The following PPP2R3C variants were observed in gnomAD, a reference collection of about 807,000 sequenced individuals.
PPP2R3C encodes the protein protein phosphatase 2 regulatory subunit B''gamma.
In PPP2R3C, 47 loss-of-function variants were observed where a neutral mutation model predicts 63.7. That is an observed-to-expected ratio of 0.74 (90% CI 0.58 to 0.94). The LOEUF (loss-of-function observed/expected upper bound fraction) is 0.94. Among genes scored for constraint, PPP2R3C ranks in the 40% least tolerant of loss-of-function variants. PPP2R3C has a pLI of 0.00. For missense variants in PPP2R3C, 421 were observed against 518.4 expected (o/e 0.81, Z 1.82); for synonymous variants, 180 against 177.4 (o/e 1.01, Z -0.12).
At chr14:35,105,428 A>C (rs1414238972) in intron 6 of PPP2R3C, among the ~76,000 whole-genome samples, 1 of 151,610 alleles carries the variant, frequency 6.6e-6, no homozygotes, top group African/African-American at 2.4e-5. Flanking sequence ...AGATCTGCCC[A>C]CCTCGGCCTC....
At chr14:35,121,747 G>T in intron 1 of PPP2R3C, 155 bp downstream of exon 1, 1 of 806,064 alleles carries the variant, frequency 1.2e-6, no homozygotes, top group South Asian at 1.8e-5. Flanking sequence ...AAACCTATCG[G>T]GATCCTTAAA....
chr14:35,118,670 T>TG (rs2046773727), intron 1 of PPP2R3C, among the ~76,000 whole-genome samples: 1 of 55,464 alleles, frequency 1.8e-5, no homozygotes, highest in South Asian at 7.1e-4. Context: ...TTTTTTTTTT[T>TG]TCCGAGACTG....
chr14:35,109,972 A>T, intron 3 of PPP2R3C, 41 bp from the exon 4 acceptor site: 1 of 1,426,986 alleles, frequency 7.0e-7, no homozygotes, highest in Non-Finnish European at 9.7e-7. Context: ...TAAGTTAAAA[A>T]CAACAAGATT....
At chr14:35,111,570 G>T (rs1045209598) in intron 2 of PPP2R3C, among the ~76,000 whole-genome samples, 1 of 152,212 alleles carries the variant, frequency 6.6e-6, no homozygotes, top group Non-Finnish European at 1.5e-5. Flanking sequence ...TAAGATGCAG[G>T]TCAGTTAAAT....
intron 11 of PPP2R3C, 64 bp from the exon 12 acceptor site, chr14:35,088,074 T>C: frequency 8.7e-7 from 1 of 1,149,440 alleles, no homozygotes; most frequent in Non-Finnish European, 1.3e-6. Flanking sequence ...TCTTTTGCCC[T>C]ACAACCCCTT....
At chr14:35,097,585 C>T (rs1041668645) in intron 7 of PPP2R3C, among the ~76,000 whole-genome samples, 7 of 150,604 alleles carry the variant, frequency 4.6e-5, no homozygotes, top group Admixed American at 6.7e-5. Context: ...TGGGTTCAAG[C>T]GATTCTCCTG....
At chr14:35,095,742 T>A (rs2045975674) in intron 9 of PPP2R3C, among the ~76,000 whole-genome samples, 1 of 147,048 alleles carries the variant, frequency 6.8e-6, no homozygotes, top group African/African-American at 2.5e-5. Context: ...CCCAGGTACT[T>A]GGGAGGCTGA....
At chr14:35,106,062 G>A (rs926632540) in intron 6 of PPP2R3C, among the ~76,000 whole-genome samples, 2 of 151,080 alleles carry the variant, frequency 1.3e-5, no homozygotes, top group Admixed American at 6.6e-5. Context: ...AGCCAGAATG[G>A]TCTCGATCTC....
intron 5 of PPP2R3C, 198 bp from the exon 6 acceptor site, chr14:35,107,572 T>C (rs1056667730): frequency 8.8e-5 from 49 of 556,386 alleles, no homozygotes; most frequent in African/African-American, 4.9e-4. Context: ...TATAATAAAA[T>C]TGACACCTTG....
At chr14:35,093,027 G>A (rs557678577) in intron 10 of PPP2R3C, among the ~76,000 whole-genome samples, 1 of 151,886 alleles carries the variant, frequency 6.6e-6, no homozygotes, top group East Asian at 1.9e-4. Flanking sequence ...TGGCTAACAC[G>A]GTGAAACTCC....
At position 35,099,267 on chromosome 14, in the gene PPP2R3C, C is replaced by T; in HGVS notation, c.691G>A (p.Asp231Asn). 5 of 1,587,384 alleles carry T rather than the reference C, an allele frequency of 3.1e-6. No homozygotes were observed. Among genetic ancestry groups the T allele is most frequent in the South Asian group, 1.2e-5 (1 of 84,908 alleles). The part of the protein sequence containing the change: ...TAVRKFFFFL[D>N]PLRTGKIKIQ... ...TTTCTTTTACCTGTTCTTAAAGGATCTAAAAAGAAGAAGAACTTCCTAACT... is the reference window on the plus strand; with the variant it reads ...TTTCTTTTACCTGTTCTTAAAGGATTTAAAAAGAAGAAGAACTTCCTAACT... Residue 231 changes from aspartate to asparagine, a missense_variant, in exon 7 of 13, where the codon GAT becomes AAT. This residue lies in a region of PPP2R3C where 231 missense variants were observed against 264.8 expected (regional missense o/e 0.87). Coordinates refer to ENST00000261475, the MANE Select transcript of PPP2R3C (RefSeq NM_017917.4).
At chr14:35,089,270 T>C (rs1375390869) in intron 11 of PPP2R3C, among the ~76,000 whole-genome samples, 1 of 152,204 alleles carries the variant, frequency 6.6e-6, no homozygotes, top group Admixed American at 6.5e-5. Flanking sequence ...ACCCAGCTAA[T>C]TTTTAATTTT....
At chr14:35,101,307 C>T (rs2046182920) in intron 6 of PPP2R3C, 1 of 152,124 alleles carries the variant, frequency 6.6e-6, no homozygotes. Flanking sequence ...TAAATCTTTG[C>T]AAAGCTAGGT....
At chr14:35,097,649 A>T (rs542618072) in intron 7 of PPP2R3C, among the ~76,000 whole-genome samples, 1 of 151,746 alleles carries the variant, frequency 6.6e-6, no homozygotes, top group Non-Finnish European at 1.5e-5. Flanking sequence ...CATCCAGCTA[A>T]TTTTTTCTAT....
In PPP2R3C at chr14:35,110,627, C is replaced by G. The variant is rs755597991; in HGVS notation, c.189G>C (p.Leu63=). The G allele has an allele frequency of 6.9e-6, 11 of 1,603,816 alleles. No individual in the cohort carries two copies. The highest frequency in any genetic ancestry group is 9.4e-6 in the Non-Finnish European group (11 of 1,174,500). ...YKTIPRFYYR[L]PAEDEVLLQK... Reference sequence around the variant, plus strand: ...GTAGTAAGACTTCATCTTCAGCAGGCAGCTGAAAATACAAGGTAAATTTCT... The same window carrying G: ...GTAGTAAGACTTCATCTTCAGCAGGGAGCTGAAAATACAAGGTAAATTTCT... The change falls in exon 3 of 13, where the codon CTG becomes CTC. Residue 63 remains leucine (L), a splice_region_variant and synonymous_variant. Transcript: ENST00000261475.
chr14:35,122,194 T>C (rs1595143395), upstream of PPP2R3C: 6 of 545,610 alleles, frequency 1.1e-5, no homozygotes, highest in Non-Finnish European at 1.7e-5. Context: ...TGGAAAATGG[T>C]TCTCCTTCAG....
intron 4 of PPP2R3C, among the ~76,000 whole-genome samples, chr14:35,109,487 A>AT (rs1159694416): frequency 2.0e-5 from 3 of 151,340 alleles, no homozygotes; most frequent in Non-Finnish European, 4.4e-5. Context: ...GGATTTGTTT[A>AT]TTTTTTTTAA....
intron 1 of PPP2R3C, among the ~76,000 whole-genome samples, chr14:35,120,708 A>G (rs1595138108): frequency 1.3e-5 from 2 of 152,186 alleles, no homozygotes; most frequent in African/African-American, 4.8e-5. Flanking sequence ...ACACTTTGGG[A>G]GGTGGAGGTA....
At chr14:35,095,696 A>C (rs2045972555) in intron 9 of PPP2R3C, among the ~76,000 whole-genome samples, 1 of 151,758 alleles carries the variant, frequency 6.6e-6, no homozygotes, top group Admixed American at 6.6e-5. Context: ...CAAAAAAAAA[A>C]AACATTAGCC....
Sources: gnomAD v4.1 joint callset for allele counts (sites outside exome capture counted in the v4.1 genomes callset) on GRCh38, gnomAD v4.1.1 for gene constraint, gnomAD v4.1.1 regional missense constraint, MANE v1.5 for transcripts, NCBI Gene and HGNC (gene_info 2026-07-23, HGNC 2026-07-21) for gene names.